Variants in NEMF observed in about 807,000 individuals in gnomAD.
NEMF encodes the protein ribosome quality control complex subunit NEMF.
Under a neutral mutation model 162.2 loss-of-function variants are expected in NEMF, and 89 were observed. That is an observed-to-expected ratio of 0.55 (90% confidence interval 0.46 to 0.65). The LOEUF (loss-of-function observed/expected upper bound fraction) is 0.65, where lower values mean the gene tolerates loss of function less well. Among genes scored for constraint, NEMF ranks in the 30% least tolerant of loss-of-function variants. The pLI, the probability that NEMF is intolerant of heterozygous loss-of-function variation, is 0.00. For synonymous variants in NEMF, 421 were observed against 404.5 expected, an observed-to-expected ratio of 1.04 and a Z score of -0.49; for missense variants, 1,133 against 1,261.9, an observed-to-expected ratio of 0.90 and a Z score of 1.55.
At chr14:49,787,381 C>T (rs1890225659) in intron 28 of NEMF, among the ~76,000 whole-genome samples, 1 of 152,192 alleles carries the variant, frequency 6.6e-6, no homozygotes, top group African/African-American at 2.4e-5. Flanking sequence ...CTGATAAGGG[C>T]TTGCCTCAAA....
intron 3 of NEMF, among the ~76,000 whole-genome samples, chr14:49,850,641 T>A (rs564939451): frequency 2.8e-4 from 42 of 151,746 alleles, no homozygotes; most frequent in African/African-American, 9.9e-4. Flanking sequence ...CATGTAAAAA[T>A]CTGTTTTAAT....
chr14:49,828,966 A>G, intron 13 of NEMF, 88 bp downstream of exon 13: 1 of 1,407,550 alleles, frequency 7.1e-7, no homozygotes, highest in Non-Finnish European at 9.7e-7. Context: ...GAATTTCAAA[A>G]TATGAAGAAA....
At chr14:49,852,457 C>G (rs1268033077) in intron 1 of NEMF, among the ~76,000 whole-genome samples, 1 of 152,248 alleles carries the variant, frequency 6.6e-6, no homozygotes, top group African/African-American at 2.4e-5. Context: ...TTCGCGCTAG[C>G]GGGGCAAGCC....
intron 19 of NEMF, among the ~76,000 whole-genome samples, chr14:49,803,821 G>A (rs1383084430): frequency 5.9e-5 from 9 of 151,320 alleles, no homozygotes; most frequent in African/African-American, 2.2e-4. Flanking sequence ...ACTATGCCCG[G>A]CAATAATTTT....
At chr14:49,841,574 T>G (rs576496093) in intron 4 of NEMF, among the ~76,000 whole-genome samples, 28 of 118,064 alleles carry the variant, frequency 2.4e-4, no homozygotes, top group Non-Finnish European at 4.7e-4. Context: ...AACTCTCGTC[T>G]TAAGAAAAAA....
rs1238081680 is a variant in NEMF at position 49,796,041 on chromosome 14, AATG to A, written c.2466-100_2466-98del. 1.5e-5 allele frequency: 12 copies of A among 802,580 alleles called. No homozygotes were observed. The East Asian group carries it at 2.5e-4, about 17-fold the overall frequency. The allele number at this position is 802,580 out of a possible 1,614,324, so 49.7% of individuals were successfully genotyped here. A position where few individuals can be genotyped will look rare whatever the true frequency, so the allele number is the denominator to read the frequency against. On this transcript the variant is annotated intron_variant, in intron 25 of 32. Coordinates refer to ENST00000298310, the MANE Select transcript of NEMF (RefSeq NM_004713.6). ...GGGGAAGGCACATATACAGTATATA[AATG>A]GTCATGGCTTCTGCTTCACTTGATA...
Position 49,828,372 on chromosome 14 carries a change from T to C in NEMF, c.1425-18A>G, listed in dbSNP as rs759120186. ...CATAATACCTAGAAAAACATATTTC[T>C]CTTAAATTTTAAGTATAATATTTAT... On this transcript the variant is annotated intron_variant, in intron 14 of 32. Transcript: ENST00000298310. 1 of 1,471,642 alleles carries C rather than the reference T, an allele frequency of 6.8e-7. No homozygotes were observed. The highest frequency in any genetic ancestry group is 1.4e-5 in the African/African-American group (1 of 70,790). 91.2% of individuals were successfully genotyped at this position (1,471,642 alleles called of 1,614,324 possible).
At chr14:49,834,542 C>T (rs930084796) in intron 6 of NEMF, 93 bp from the exon 7 acceptor site, 6 of 846,962 alleles carry the variant, frequency 7.1e-6, no homozygotes, top group Admixed American at 2.2e-5. Flanking sequence ...TCGCCCAGGC[C>T]GGAGTGCAAT....
chr14:49,796,321 T>C (rs776267361), intron 25 of NEMF: 7 of 459,950 alleles, frequency 1.5e-5, no homozygotes, highest in South Asian at 7.8e-5. Flanking sequence ...TGTTGACCGG[T>C]TGGTTGACTA....
chr14:49,795,177 A>G (rs1594733353), intron 26 of NEMF, among the ~76,000 whole-genome samples: 2 of 152,004 alleles, frequency 1.3e-5, no homozygotes, highest in African/African-American at 4.8e-5. Context: ...GTTACAAAAA[A>G]TAAAAAAATT....
chr14:49,792,104 C>G (rs1368753120), intron 26 of NEMF, among the ~76,000 whole-genome samples: 1 of 151,684 alleles, frequency 6.6e-6, no homozygotes, highest in Admixed American at 6.6e-5. Context: ...GATTGCAACA[C>G]TACATCCCAG....
At position 49,829,257 on chromosome 14, in the gene NEMF, T is replaced by C. The variant is rs756994949; in HGVS notation, c.1029A>G (p.Ile343Met). The C allele has an allele frequency of 1.9e-6, 3 of 1,614,126 alleles. No individual in the cohort carries two copies. Among genetic ancestry groups the C allele is most frequent in the Admixed American group, 1.7e-5 (1 of 60,008 alleles). ...CTATGAGCTCTCCTTTCAGTTTGTC[T>C]ATTTCCTTAAAAAACAAACCACACA... is the stretch of plus-strand genomic sequence containing the variant. ...RLEALQQAQE[I>M]DKLKGELIEM... Residue 343 changes from isoleucine to methionine, a missense_variant, in exon 13 of 33, where the codon ATA becomes ATG. Physicochemically the swap from Ile to Met is conservative, Grantham distance 10 (BLOSUM62 1). Transcript: ENST00000298310.
intron 4 of NEMF, 139 bp downstream of exon 4, chr14:49,846,000 AT>A: frequency 3.1e-6 from 2 of 635,216 alleles, no homozygotes; most frequent in South Asian, 2.5e-5. Flanking sequence ...ATTTTATTTT[AT>A]TTGTGTGGCA....
At chr14:49,828,530 G>A (rs1892475471) in intron 14 of NEMF, 86 bp downstream of exon 14, 3 of 1,202,484 alleles carry the variant, frequency 2.5e-6, no homozygotes, top group East Asian at 2.4e-5. Context: ...ATGTACAAGT[G>A]AAATTTAAAA....
At position 49,797,150 on chromosome 14, in the gene NEMF, C is replaced by A. The variant is rs558698006; in HGVS notation, c.2466-1206G>T. On this transcript the variant is annotated intron_variant, in intron 25 of 32. Transcript: ENST00000298310. ...TAAGTATCTAGCACAGGGCTATGTG[C>A]TCAGAATTCTCTGTAATTGTTCAAT... 2.8e-4 allele frequency among the ~76,000 whole-genome samples: 42 copies of A among 152,296 alleles called. No homozygotes were observed. The Middle Eastern group carries it at 0.014, about 49-fold the overall frequency.
At chr14:49,820,258 CT>C (rs1195495229) in intron 16 of NEMF, 2 of 353,182 alleles carry the variant, frequency 5.7e-6, no homozygotes, top group African/African-American at 4.3e-5. Context: ...CCCCCATTTC[CT>C]TTTGACAGCA....
At chr14:49,840,628 T>C in intron 5 of NEMF, 90 bp downstream of exon 5, 2 of 1,163,816 alleles carry the variant, frequency 1.7e-6, no homozygotes, top group Non-Finnish European at 2.4e-6. Flanking sequence ...TATGACCCAT[T>C]TTACCTTTTT....
intron 3 of NEMF, among the ~76,000 whole-genome samples, chr14:49,846,533 A>G (rs1361571979): frequency 6.6e-6 from 1 of 152,174 alleles, no homozygotes; most frequent in Non-Finnish European, 1.5e-5. Context: ...TGGTGTGATC[A>G]TGGCTCGCTG....
At chr14:49,823,141 T>C (rs967501826) in intron 16 of NEMF, among the ~76,000 whole-genome samples, 2 of 152,038 alleles carry the variant, frequency 1.3e-5, no homozygotes, top group Non-Finnish European at 2.9e-5. Context: ...GTTTTCACCA[T>C]GTTGGCCAGG....
Sources: allele counts gnomAD v4.1 joint callset (sites outside exome capture counted in the v4.1 genomes callset), GRCh38; gene constraint gnomAD v4.1.1; transcripts MANE v1.5; gene names NCBI Gene and HGNC (gene_info 2026-07-23, HGNC 2026-07-21).